The following DPH6 variants were observed in gnomAD, a reference collection of about 807,000 sequenced individuals.
DPH6 encodes the protein diphthine--ammonia ligase.
A neutral mutation model predicts 38.2 loss-of-function variants in DPH6; 33 were observed. That is an observed-to-expected ratio of 0.86 (90% CI 0.65 to 1.15). The LOEUF (loss-of-function observed/expected upper bound fraction) is 1.15. DPH6 is among the 50% of genes most tolerant of loss of function. The pLI, the probability that DPH6 is intolerant of heterozygous loss-of-function variation, is 0.00. For synonymous variants in DPH6, 108 were observed against 103.0 expected (o/e 1.05, Z -0.30); for missense variants, 325 against 320.0 (o/e 1.02, Z -0.12).
intron 5 of DPH6, among the ~76,000 whole-genome samples, chr15:35,412,180 A>T (rs905336341): frequency 6.6e-6 from 1 of 151,770 alleles, no homozygotes; most frequent in Non-Finnish European, 1.5e-5. Flanking sequence ...AATCCAATTT[A>T]AAAATGGGCA....
intron 3 of DPH6, among the ~76,000 whole-genome samples, chr15:35,345,603 A>G (rs936940441): frequency 6.6e-6 from 1 of 151,968 alleles, no homozygotes; most frequent in African/African-American, 2.4e-5. Flanking sequence ...TGGATATATT[A>G]TTCATGTTAT....
At position 35,424,990 on chromosome 15, in the gene DPH6, C is replaced by A. The variant is rs147873088; in HGVS notation, c.506-14094G>T. On this transcript the variant is annotated intron_variant, in intron 5 of 8. Coordinates refer to ENST00000256538, the MANE Select transcript of DPH6 (RefSeq NM_080650.4). ...AGACCCTGTGTTGTGAGATAGAATT[C>A]CTTATCTGGTTCTCATGTAAAATTA... Among the ~76,000 whole-genome samples, 201 of 151,680 alleles carry A rather than the reference C, an allele frequency of 1.3e-3. 3 individuals are homozygous for A. In the East Asian group the frequency reaches 0.028, roughly 21 times the overall value.
intron 3 of DPH6, among the ~76,000 whole-genome samples, chr15:35,353,709 A>T (rs1450786325): frequency 1.3e-5 from 2 of 152,204 alleles, no homozygotes; most frequent in East Asian, 3.8e-4. Flanking sequence ...GAAGTCAGGT[A>T]GCGTGATGCC....
Position 35,486,309 on chromosome 15 carries a change from A to G in DPH6, c.313-31489T>C, listed in dbSNP as rs958955617. 2.2e-4 allele frequency among the ~76,000 whole-genome samples: 33 copies of G among 151,538 alleles called. 1 individual carries two copies. The highest frequency in any genetic ancestry group is 2.9e-5 in the Non-Finnish European group (2 of 67,900). ...CCCTTGACACATGGGGATTATGGAG[A>G]TTACAAATCAAGGTGAGATTTTGGG... On this transcript the variant is annotated intron_variant, in intron 3 of 8. Transcript: ENST00000256538.
At chr15:35,199,233 G>C in the DPH6 span, among the ~76,000 whole-genome samples, 326 of 152,270 alleles carry the variant, frequency 2.1e-3, 2 homozygotes, top group Admixed American at 0.012. Context: ...CTTCTTGACA[G>C]AATGATGTCA....
rs1488954129 is a variant in DPH6 at position 35,372,427 on chromosome 15, T to C, written c.751-224A>G. The C allele has an allele frequency of 2.4e-5, 8 of 330,766 alleles. No homozygotes were observed. The Admixed American group carries it at 3.4e-4, about 14-fold the overall frequency. The allele number at this position is 330,766 out of a possible 1,614,324, so 20.5% of individuals were successfully genotyped here. A position where few individuals can be genotyped will look rare whatever the true frequency, so the allele number is the denominator to read the frequency against. ...TATTCGGGTAGAGCTGAACATAGAA[T>C]GGCTGGAATGCCTACACATGAATTC... On this transcript the variant is annotated intron_variant, in intron 8 of 8. Transcript: ENST00000256538.
intron 3 of DPH6, among the ~76,000 whole-genome samples, chr15:35,509,324 T>C (rs549589810): frequency 2.6e-5 from 4 of 152,256 alleles, no homozygotes; most frequent in East Asian, 3.9e-4. Context: ...ATCACCACTA[T>C]GGTTAGAGAA....
chr15:35,185,725 T>A, the DPH6 span, among the ~76,000 whole-genome samples: 1 of 11,008 alleles, frequency 9.1e-5, no homozygotes, highest in Non-Finnish European at 2.7e-4. Flanking sequence ...CAATCCACTC[T>A]TTTTTTTTTT....
chr15:35,546,044 T>C, intron 1 of DPH6, 75 bp downstream of exon 1: 1 of 1,270,828 alleles, frequency 7.9e-7, no homozygotes, highest in South Asian at 2.4e-5. Context: ...ACACCCACTC[T>C]TTCGGCGCTA....
chr15:35,273,237 T>C (rs2051835007), intron 3 of DPH6, among the ~76,000 whole-genome samples: 2 of 152,202 alleles, frequency 1.3e-5, no homozygotes, highest in African/African-American at 2.4e-5. Flanking sequence ...GAGATTTTTG[T>C]GCACCCATCA....
chr15:35,421,436 T>C (rs550969114), intron 5 of DPH6, among the ~76,000 whole-genome samples: 2 of 152,310 alleles, frequency 1.3e-5, no homozygotes, highest in East Asian at 3.9e-4. Flanking sequence ...TTAAGTATAG[T>C]TATGCAGTTA....
At chr15:35,201,174 G>C in the DPH6 span, among the ~76,000 whole-genome samples, 3 of 151,224 alleles carry the variant, frequency 2.0e-5, no homozygotes, top group East Asian at 5.8e-4. Context: ...CTTGATGTCT[G>C]AATTTCATTG....
rs182783979 is a variant in DPH6 at position 35,356,967 on chromosome 15, C to T, written n.207+16554G>A. On this transcript the variant is annotated intron_variant and non_coding_transcript_variant, in intron 3 of 3. Coordinates refer to the DPH6 transcript ENST00000558973. ...TTCCTGGCCACTTTGTTTACCTACT[C>T]AAGCCTCGGCAGTGGCGGGTGCCTC... 3.1e-4 allele frequency among the ~76,000 whole-genome samples: 47 copies of T among 152,354 alleles called. 1 individual carries two copies. The East Asian group carries it at 8.7e-3, about 28-fold the overall frequency.
intron 3 of DPH6, among the ~76,000 whole-genome samples, chr15:35,482,738 G>A (rs1258516182): frequency 6.6e-6 from 1 of 152,038 alleles, no homozygotes; most frequent in Non-Finnish European, 1.5e-5. Context: ...GTAAAGGTAA[G>A]AGCTAAAACT....
At chr15:35,281,904 G>T (rs1357043158) in intron 3 of DPH6, among the ~76,000 whole-genome samples, 2 of 152,040 alleles carry the variant, frequency 1.3e-5, no homozygotes, top group South Asian at 4.2e-4. Flanking sequence ...TTTTTTGTTT[G>T]TTTGCTTATT....
chr15:35,521,736 CTTGA>C, intron 3 of DPH6: 1 of 1,231,840 alleles, frequency 8.1e-7, no homozygotes, highest in Non-Finnish European at 1.0e-6. Context: ...TTATGCAAAG[CTTGA>C]TTGTGAGCAA....
At chr15:35,381,576 C>A (rs1000063261) in intron 7 of DPH6, among the ~76,000 whole-genome samples, 7 of 152,040 alleles carry the variant, frequency 4.6e-5, no homozygotes, top group African/African-American at 1.7e-4. Context: ...TTACTGCAGG[C>A]CATAATCAGC....
At chr15:35,211,265 T>C in the DPH6 span, among the ~76,000 whole-genome samples, 6 of 152,192 alleles carry the variant, frequency 3.9e-5, no homozygotes, top group Non-Finnish European at 8.8e-5. Flanking sequence ...AATTATTTAA[T>C]AGAGACTTTG....
At chr15:35,314,386 T>A (rs942358761) in intron 3 of DPH6, among the ~76,000 whole-genome samples, 4 of 152,216 alleles carry the variant, frequency 2.6e-5, no homozygotes, top group Non-Finnish European at 5.9e-5. Context: ...ATGTTTATTT[T>A]AGGCTATGGA....
Sources: allele counts gnomAD v4.1 joint callset (sites outside exome capture counted in the v4.1 genomes callset), GRCh38; gene constraint gnomAD v4.1.1; transcripts MANE v1.5; gene names NCBI Gene and HGNC (gene_info 2026-07-23, HGNC 2026-07-21).